SCN8A: variants seen among roughly 807,000 people sequenced by gnomAD.
The protein encoded by SCN8A is sodium voltage-gated channel alpha subunit 8.
SCN8A carries 30 observed loss-of-function variants against 184.1 expected under a neutral mutation model. The observed-to-expected ratio is 0.16, with a 90% CI of 0.12 to 0.22. The LOEUF (loss-of-function observed/expected upper bound fraction) is 0.22. Ranked by LOEUF, SCN8A falls within the 10% of genes least tolerant of loss-of-function variation. SCN8A has a pLI of 1.00. For missense variants in SCN8A, 1,057 were observed against 2,498.9 expected (o/e 0.42, Z 12.30); for synonymous variants, 852 against 907.0 (o/e 0.94, Z 1.09).
chr12:51,754,412 A>G (rs303777), intron 14 of SCN8A, among the ~76,000 whole-genome samples: 114,973 of 151,590 alleles, frequency 0.76, 45,498 homozygotes, highest in East Asian at 0.91. Context: ...ACACAAGTAC[A>G]TTCTCCTACA....
chr12:51,670,958 TAAC>T (rs765528645), intron 2 of SCN8A, among the ~76,000 whole-genome samples: 1 of 152,126 alleles, frequency 6.6e-6, no homozygotes, highest in Non-Finnish European at 1.5e-5. Flanking sequence ...GGGAAACACA[TAAC>T]AAACAAATAC....
At chr12:51,689,559 G>A in intron 6 of SCN8A, 1 of 153,568 alleles carries the variant, frequency 6.5e-6, no homozygotes, top group South Asian at 2.0e-4. Flanking sequence ...TTTAATCACA[G>A]AAGAGATCTA....
chr12:51,636,543 A>G (rs1940322635), intron 1 of SCN8A, among the ~76,000 whole-genome samples: 1 of 152,182 alleles, frequency 6.6e-6, no homozygotes, highest in Admixed American at 6.5e-5. Flanking sequence ...GGTGGAGAAC[A>G]GAAATTTACT....
At chr12:51,744,443 A>C (rs1565908034) in intron 12 of SCN8A, among the ~76,000 whole-genome samples, 1 of 152,200 alleles carries the variant, frequency 6.6e-6, no homozygotes, top group Non-Finnish European at 1.5e-5. Flanking sequence ...CACCACCACA[A>C]GTCATTCTTA....
At chr12:51,774,686 C>T (rs1015225281) in intron 20 of SCN8A, among the ~76,000 whole-genome samples, 1 of 152,050 alleles carries the variant, frequency 6.6e-6, no homozygotes, top group Non-Finnish European at 1.5e-5. Flanking sequence ...AAAGTTCTTG[C>T]CCCAGGCCAG....
chr12:51,770,788 G>A (rs1364550095), intron 19 of SCN8A, 105 bp downstream of exon 19: 7 of 1,196,826 alleles, frequency 5.8e-6, no homozygotes, highest in Non-Finnish European at 7.2e-6. Context: ...AAAACAGATT[G>A]GCTGTGGTCC....
At chr12:51,768,586 C>T (rs1035343344) in intron 16 of SCN8A, among the ~76,000 whole-genome samples, 2 of 151,928 alleles carry the variant, frequency 1.3e-5, no homozygotes, top group Non-Finnish European at 2.9e-5. Flanking sequence ...TTTGTTTTTT[C>T]TGATTATAAG....
intron 15 of SCN8A, among the ~76,000 whole-genome samples, chr12:51,764,777 T>G (rs1942812347): frequency 6.9e-6 from 1 of 144,776 alleles, no homozygotes; most frequent in Non-Finnish European, 1.5e-5. Context: ...GGCTCTTTTC[T>G]TTTTTTTTTT....
intron 1 of SCN8A, among the ~76,000 whole-genome samples, chr12:51,643,310 C>T (rs919288644): frequency 6.6e-6 from 1 of 152,070 alleles, no homozygotes; most frequent in African/African-American, 2.4e-5. Context: ...TCTTCGAGTT[C>T]GAGTCTCGCT....
At chr12:51,785,863 G>A (rs930248794) in intron 21 of SCN8A, among the ~76,000 whole-genome samples, 14 of 152,144 alleles carry the variant, frequency 9.2e-5, no homozygotes, top group African/African-American at 3.4e-4. Context: ...AGCAGGGAGC[G>A]ACTCTGATTT....
At chr12:51,731,526 C>T (rs1942242650) in intron 12 of SCN8A, among the ~76,000 whole-genome samples, 1 of 152,224 alleles carries the variant, frequency 6.6e-6, no homozygotes, top group African/African-American at 2.4e-5. Flanking sequence ...GCTGGGATTA[C>T]AGGCATGAGC....
At chr12:51,614,296 T>C (rs997117581) in intron 1 of SCN8A, among the ~76,000 whole-genome samples, 3 of 152,174 alleles carry the variant, frequency 2.0e-5, no homozygotes, top group Admixed American at 1.3e-4. Flanking sequence ...TGGATTGTTA[T>C]GTCTTTTAGT....
chr12:51,753,607 A>G (rs1942629005), intron 14 of SCN8A, among the ~76,000 whole-genome samples: 1 of 152,208 alleles, frequency 6.6e-6, no homozygotes, highest in Non-Finnish European at 1.5e-5. Flanking sequence ...AGAACACAGA[A>G]TTGGAAGTCA....
chr12:51,729,129 T>G (rs1942201544), intron 12 of SCN8A, among the ~76,000 whole-genome samples: 1 of 152,228 alleles, frequency 6.6e-6, no homozygotes, highest in African/African-American at 2.4e-5. Context: ...TATTTTATAC[T>G]CCATATTTTT....
intron 2 of SCN8A, among the ~76,000 whole-genome samples, chr12:51,665,854 G>T (rs1194559464): frequency 1.3e-5 from 2 of 152,158 alleles, no homozygotes; most frequent in East Asian, 3.9e-4. Context: ...ACAAGGTCAG[G>T]AGTTTGAGAC....
chr12:51,714,337 T>TA (rs1469539468), intron 11 of SCN8A, among the ~76,000 whole-genome samples: 5 of 146,618 alleles, frequency 3.4e-5, no homozygotes, highest in Non-Finnish European at 6.0e-5. Context: ...GAATGATTTC[T>TA]AGCATCATGC....
chr12:51,604,942 C>T (rs1026458313), intron 1 of SCN8A, among the ~76,000 whole-genome samples: 1 of 152,086 alleles, frequency 6.6e-6, no homozygotes, highest in African/African-American at 2.4e-5. Flanking sequence ...TATTTTGTCA[C>T]CCAGGTTATA....
chr12:51,721,106 T>TATATATATAA (rs1179556945), intron 11 of SCN8A, among the ~76,000 whole-genome samples: 163 of 106,104 alleles, frequency 1.5e-3, no homozygotes, highest in African/African-American at 6.1e-3. Flanking sequence ...TATATATATA[T>TATATATATAA]AATATTTATT....
At chr12:51,801,515 A>G (rs377133218) in intron 26 of SCN8A, among the ~76,000 whole-genome samples, 18 of 152,298 alleles carry the variant, frequency 1.2e-4, no homozygotes, top group African/African-American at 4.1e-4. Context: ...AAACCAAGGG[A>G]GATCAGGCAT....
Sources: allele counts gnomAD v4.1 joint callset (sites outside exome capture counted in the v4.1 genomes callset), GRCh38; gene constraint gnomAD v4.1.1; transcripts MANE v1.5; gene names NCBI Gene and HGNC (gene_info 2026-07-23, HGNC 2026-07-21).